The following KLHL20 variants were observed in gnomAD, a reference collection of about 807,000 sequenced individuals.
The protein encoded by KLHL20 is kelch like family member 20.
Under a neutral mutation model 69.5 loss-of-function variants are expected in KLHL20, and 29 were observed. The observed-to-expected ratio is 0.42, with a 90% CI of 0.31 to 0.57. The LOEUF (loss-of-function observed/expected upper bound fraction) is 0.57. Among genes scored for constraint, KLHL20 ranks in the 20% least tolerant of loss-of-function variants. The pLI is 0.18. For missense variants in KLHL20, 419 were observed against 776.0 expected, an observed-to-expected ratio of 0.54 and a Z score of 5.47; for synonymous variants, 253 against 265.2, an observed-to-expected ratio of 0.95 and a Z score of 0.45.
chr1:173,768,692 T>C (rs1343441277), intron 8 of KLHL20, among the ~76,000 whole-genome samples: 7 of 152,234 alleles, frequency 4.6e-5, no homozygotes, highest in Admixed American at 2.6e-4. Context: ...AATGTGAATA[T>C]ACTTAACACT....
intron 2 of KLHL20, among the ~76,000 whole-genome samples, chr1:173,725,869 C>T (rs141130184): frequency 0.082 from 12,533 of 152,176 alleles, 741 homozygotes; most frequent in East Asian, 0.32. Flanking sequence ...GTACTGGGTT[C>T]ATCTCACTGG....
chr1:173,764,903 A>C (rs757561891), intron 7 of KLHL20, among the ~76,000 whole-genome samples: 10 of 152,212 alleles, frequency 6.6e-5, no homozygotes, highest in Non-Finnish European at 1.0e-4. Flanking sequence ...CCAGTTTAAA[A>C]AAAATTGATG....
At chr1:173,760,694 C>T (rs1673761594) in intron 7 of KLHL20, among the ~76,000 whole-genome samples, 1 of 151,982 alleles carries the variant, frequency 6.6e-6, no homozygotes, top group African/African-American at 2.4e-5. Context: ...ACCAAATCAC[C>T]ACTACAAGAA....
intron 5 of KLHL20, among the ~76,000 whole-genome samples, chr1:173,753,858 A>T (rs1237381786): frequency 6.6e-6 from 1 of 152,196 alleles, no homozygotes; most frequent in African/African-American, 2.4e-5. Context: ...GGGGGAAAAA[A>T]GCAACCTATT....
At chr1:173,776,711 C>CA (rs992254585) in intron 10 of KLHL20, among the ~76,000 whole-genome samples, 2 of 151,982 alleles carry the variant, frequency 1.3e-5, no homozygotes, top group Non-Finnish European at 2.9e-5. Flanking sequence ...GCACCTTTGT[C>CA]AAAAAAACAG....
chr1:173,728,833 C>G (rs1287952066), intron 2 of KLHL20, among the ~76,000 whole-genome samples: 2 of 152,090 alleles, frequency 1.3e-5, no homozygotes, highest in African/African-American at 4.8e-5. Context: ...GAAGCAAGAG[C>G]AAACACATTC....
chr1:173,736,586 C>T (rs1672544247), intron 3 of KLHL20, among the ~76,000 whole-genome samples: 1 of 151,638 alleles, frequency 6.6e-6, no homozygotes, highest in Non-Finnish European at 1.5e-5. Context: ...CACATCCATG[C>T]CAACATCTTT....
intron 2 of KLHL20, among the ~76,000 whole-genome samples, chr1:173,726,880 G>A (rs866822420): frequency 3.9e-5 from 6 of 152,134 alleles, no homozygotes; most frequent in Non-Finnish European, 8.8e-5. Context: ...CACCAGCAAC[G>A]GAACAAAGCT....
chr1:173,757,506 T>G (rs935935941), intron 7 of KLHL20, among the ~76,000 whole-genome samples: 4 of 151,760 alleles, frequency 2.6e-5, no homozygotes, highest in African/African-American at 9.7e-5. Context: ...CTTTAAGACT[T>G]ACATTTCCTT....
At chr1:173,751,664 C>T (rs768672448) in intron 3 of KLHL20, 100 bp from the exon 4 acceptor site, 37 of 1,109,024 alleles carry the variant, frequency 3.3e-5, no homozygotes, top group Non-Finnish European at 3.0e-5. Context: ...AACTTCAGCG[C>T]ATTGTAGAAT....
At chr1:173,741,837 T>G (rs1672822386) in intron 3 of KLHL20, 1 of 1,588,250 alleles carries the variant, frequency 6.3e-7, no homozygotes, top group African/African-American at 1.3e-5. Context: ...AACTGTAGTT[T>G]TGTGTGTTGG....
chr1:173,718,564 C>G (rs1671566094), intron 2 of KLHL20, among the ~76,000 whole-genome samples: 2 of 149,098 alleles, frequency 1.3e-5, no homozygotes, highest in Middle Eastern at 3.5e-3. Context: ...AAAAAAAAGA[C>G]ACAAATGTTG....
At chr1:173,770,497 A>G (rs939811777) in intron 8 of KLHL20, among the ~76,000 whole-genome samples, 3 of 152,142 alleles carry the variant, frequency 2.0e-5, no homozygotes, top group African/African-American at 7.2e-5. Flanking sequence ...CAGGAGTTCA[A>G]GACCAGCCTG....
At position 173,782,224 on chromosome 1, in the gene KLHL20, C is replaced by T; in HGVS notation, c.1739C>T (p.Thr580Ile). The T allele has an allele frequency of 6.2e-7, 1 of 1,611,548 alleles. No homozygotes were observed. The highest frequency in any genetic ancestry group is 8.5e-7 in the Non-Finnish European group (1 of 1,177,738). ...TIEVFDPDAN[T>I]WRLYGGMNYR... is the part of the protein sequence containing the mutation. The stretch of plus-strand genomic sequence containing the variant: ...GAAGTTTTTGATCCTGATGCCAATA[C>T]ATGGAGGTAACTTTTAAGCTGTGTA... The change falls in exon 11 of 12, where the codon ACA (threonine) becomes ATA (isoleucine). Residue 580 changes from threonine (T) to isoleucine (I), a missense_variant. By Grantham distance (89) the Thr-to-Ile change is moderately conservative. Transcript: ENST00000209884.
intron 3 of KLHL20, among the ~76,000 whole-genome samples, chr1:173,744,860 A>G (rs1672982309): frequency 6.6e-6 from 1 of 152,142 alleles, no homozygotes; most frequent in South Asian, 2.1e-4. Flanking sequence ...AATGAATTTT[A>G]GTATGTATGC....
At chr1:173,727,579 C>T (rs551870877) in intron 2 of KLHL20, among the ~76,000 whole-genome samples, 1 of 152,182 alleles carries the variant, frequency 6.6e-6, no homozygotes, top group African/African-American at 2.4e-5. Flanking sequence ...AGCCAGAAGA[C>T]AGTGGGGGCC....
chr1:173,756,738 A>T (rs925253971), intron 6 of KLHL20, among the ~76,000 whole-genome samples: 2 of 152,188 alleles, frequency 1.3e-5, no homozygotes, highest in Non-Finnish European at 2.9e-5. Flanking sequence ...TCATAATCCT[A>T]TGTGAATTGG....
chr1:173,762,674 A>C (rs2102514817), intron 7 of KLHL20, among the ~76,000 whole-genome samples: 1 of 152,326 alleles, frequency 6.6e-6, no homozygotes, highest in African/African-American at 2.4e-5. Context: ...ATTCGACAAA[A>C]CCCAGCATCA....
At chr1:173,744,851 A>G (rs1293651115) in intron 3 of KLHL20, among the ~76,000 whole-genome samples, 2 of 152,134 alleles carry the variant, frequency 1.3e-5, no homozygotes, top group Non-Finnish European at 2.9e-5. Context: ...AAGTTTTATA[A>G]TGAATTTTAG....
Sources: gnomAD v4.1 joint callset for allele counts (sites outside exome capture counted in the v4.1 genomes callset) on GRCh38, gnomAD v4.1.1 for gene constraint, MANE v1.5 for transcripts, NCBI Gene and HGNC (gene_info 2026-07-23, HGNC 2026-07-21) for gene names.